The following GAL3ST2 variants were observed in gnomAD, a reference collection of about 807,000 sequenced individuals.
GAL3ST2 encodes galactose-3-O-sulfotransferase 2, also known as beta-galactose-3-O-sulfotransferase 2.
GAL3ST2 carries 16 observed loss-of-function variants against 12.9 expected under a neutral mutation model. That is an observed-to-expected ratio of 1.24 (90% CI 0.84 to 1.88). GAL3ST2 has a LOEUF of 1.88. Ranked by LOEUF, GAL3ST2 falls within the 40% of genes most tolerant of loss-of-function variation. GAL3ST2 has a pLI of 0.00. For synonymous variants in GAL3ST2, 302 were observed against 273.9 expected, an observed-to-expected ratio of 1.10 and a Z score of -1.01; for missense variants, 639 against 571.8, an observed-to-expected ratio of 1.12 and a Z score of -1.20.
chr2:241,798,910 G>A (rs1318843447), intron 1 of GAL3ST2, among the ~76,000 whole-genome samples, 155 bp from the exon 2 acceptor site: 1 of 152,136 alleles, frequency 6.6e-6, no homozygotes, highest in Admixed American at 6.5e-5. Context: ...CTAGCCCATG[G>A]GCCGGCACCC....
chr2:241,803,609 A>C lies in GAL3ST2; in HGVS notation c.640A>C (p.Ile214Leu). The C allele has an allele frequency of 6.4e-7, 1 of 1,564,826 alleles. No homozygotes were observed. The highest frequency in any genetic ancestry group is 8.7e-7 in the Non-Finnish European group (1 of 1,154,022). Residue 214 changes from isoleucine (I) to leucine (L), a missense_variant, in exon 4 of 4, where the codon ATC becomes CTC. Transcript: ENST00000192314. ...QCEEGYVRAR[I>L]AEVERRFRLV... The stretch of plus-strand genomic sequence containing the variant: ...CGAGGAGGGCTACGTGCGCGCGCGC[A>C]TCGCCGAGGTGGAGCGGCGCTTCCG...
chr2:241,795,277 A>T lies in GAL3ST2; in HGVS notation c.30-3788A>T, dbSNP rs573976625. 1.3e-5 allele frequency among the ~76,000 whole-genome samples: 2 copies of T among 152,206 alleles called. No homozygotes were observed. The highest frequency in any genetic ancestry group is 4.8e-5 in the African/African-American group (2 of 41,454). ...AGCAGGTCTTTTGGCAAAAGGGAAG[A>T]GCCCGCCTTGAGAAGGCTGTAGCAT... is the stretch of plus-strand genomic sequence containing the variant. On this transcript the variant is annotated intron_variant, in intron 1 of 3. Transcript: ENST00000192314. This position sits in a 1 kb window ranked among gnomAD's most constrained non-coding sequence, Gnocchi z 4.5.
Position 241,776,918 on chromosome 2 carries a change from AG to A in GAL3ST2, c.-37del, listed in dbSNP as rs1699495322. ...GGCGGTGGGACCTCGGGGGAGCTCAAGCCTCGACTGTCCCCTCGCTGGAGGC... is the reference window on the plus strand; with the variant it reads ...GGCGGTGGGACCTCGGGGGAGCTCAACCTCGACTGTCCCCTCGCTGGAGGC... On this transcript the variant is annotated 5_prime_UTR_variant, in exon 1 of 4. Coordinates refer to ENST00000192314, the MANE Select transcript of GAL3ST2 (RefSeq NM_022134.3). The A allele has an allele frequency of 1.3e-6, 2 of 1,499,496 alleles. No homozygotes were observed. Among genetic ancestry groups the A allele is most frequent in the Non-Finnish European group, 1.8e-6 (2 of 1,116,230 alleles). 92.9% of individuals were successfully genotyped at this position (1,499,496 alleles called of 1,614,324 possible). A position where few individuals can be genotyped will look rare whatever the true frequency, so the allele number is the denominator to read the frequency against.
In GAL3ST2 at chr2:241,803,857, C is replaced by T. The variant is rs1699894306; in HGVS notation, c.888C>T (p.Ala296=). ...GCACCCTCTGGGCGCAGCTGCGCGC[C>T]GAGCTGGGGCCGCGGCGGCTGCGCG... ...FNRTLWAQLR[A]ELGPRRLRGE... Residue 296 remains alanine, a synonymous_variant, in exon 4 of 4, where the codon GCC becomes GCT. Coordinates refer to ENST00000192314, the MANE Select transcript of GAL3ST2 (RefSeq NM_022134.3). The T allele has an allele frequency of 1.4e-6, 2 of 1,439,906 alleles. No individual in the cohort carries two copies. The highest frequency in any genetic ancestry group is 1.8e-6 in the Non-Finnish European group (2 of 1,106,782). The allele number at this position is 1,439,906 out of a possible 1,614,324, so 89.2% of individuals were successfully genotyped here.
rs1699824107 is a variant in GAL3ST2, at chr2:241,800,234, T to A, written c.119+1080T>A. Among the ~76,000 whole-genome samples, 1 of 151,982 alleles carries A rather than the reference T, an allele frequency of 6.6e-6. No homozygotes were observed. Among genetic ancestry groups the A allele is most frequent in the Non-Finnish European group, 1.5e-5 (1 of 68,010 alleles). On this transcript the variant is annotated intron_variant, in intron 2 of 3. Coordinates refer to ENST00000192314, the MANE Select transcript of GAL3ST2 (RefSeq NM_022134.3). The surrounding 1 kb of genome is among the most constrained non-coding windows in gnomAD (Gnocchi z 5.2). ...GTTGGGGGTGTCAACTGAAGAATCA[T>A]GACATCTATGAATGTGGAGAGGACA... is the stretch of plus-strand genomic sequence containing the variant.
chr2:241,801,020 C>A lies in GAL3ST2; in HGVS notation c.120-761C>A, dbSNP rs930332648. ...TGCAGGTTTGTTACACAGGTATACA[C>A]GTGCCACGGTAGTTTACTGCACCTA... On this transcript the variant is annotated intron_variant, in intron 2 of 3. Transcript: ENST00000192314. The surrounding 1 kb of genome is among the most constrained non-coding windows in gnomAD (Gnocchi z 4.4). 1 of 152,164 alleles carries A rather than the reference C, an allele frequency of 6.6e-6. No individual in the cohort carries two copies. The highest frequency in any genetic ancestry group is 2.4e-5 in the African/African-American group (1 of 41,416). The allele number at this position is 152,164 out of a possible 1,614,324, so 9.4% of individuals were successfully genotyped here. A position where few individuals can be genotyped will look rare whatever the true frequency, so the allele number is the denominator to read the frequency against.
chr2:241,786,739 G>A (rs1420726064), intron 1 of GAL3ST2, among the ~76,000 whole-genome samples: 1 of 152,158 alleles, frequency 6.6e-6, no homozygotes, highest in Non-Finnish European at 1.5e-5. Flanking sequence ...GAGCCATAAA[G>A]TTAGCTCATG....
Position 241,784,513 on chromosome 2 carries a change from C to G in GAL3ST2, c.29+7529C>G, listed in dbSNP as rs574550690. On this transcript the variant is annotated intron_variant, in intron 1 of 3. Coordinates refer to ENST00000192314, the MANE Select transcript of GAL3ST2 (RefSeq NM_022134.3). ...ATGCTGGCAAATTCTTAAGACATTT[C>G]TAGTATTATTTTACCAATGATTTAA... Among the ~76,000 whole-genome samples the G allele has an allele frequency of 8.5e-5, 13 of 152,282 alleles. No homozygotes were observed. In the South Asian group the frequency reaches 2.3e-3, roughly 27 times the overall value.
intron 1 of GAL3ST2, among the ~76,000 whole-genome samples, chr2:241,798,203 C>T (rs1404093582): frequency 6.6e-6 from 1 of 152,194 alleles, no homozygotes; most frequent in Admixed American, 6.5e-5. Context: ...CTCCTGGGAC[C>T]CAGGCCAGGC....
chr2:241,799,252 C>T, intron 2 of GAL3ST2, 98 bp downstream of exon 2: 1 of 1,055,602 alleles, frequency 9.5e-7, no homozygotes. Flanking sequence ...CCCCACTGGG[C>T]CTGTCTCCCT....
chr2:241,802,165 TG>T lies in GAL3ST2; in HGVS notation c.375+132del. 2.5e-6 allele frequency: 2 copies of T among 793,688 alleles called. No homozygotes were observed. The highest frequency in any genetic ancestry group is 1.9e-6 in the Non-Finnish European group (1 of 531,884). 49.2% of individuals were successfully genotyped at this position (793,688 alleles called of 1,614,324 possible). Reference sequence around the variant, plus strand: ...GGGGCGGGGCGTGCAGAAGGCGGGTTGGGAGGGCCTGGGCCGCACGCCCTGC... The same window carrying T: ...GGGGCGGGGCGTGCAGAAGGCGGGTTGGAGGGCCTGGGCCGCACGCCCTGC... On this transcript the variant is annotated intron_variant, in intron 3 of 3. Coordinates refer to ENST00000192314, the MANE Select transcript of GAL3ST2 (RefSeq NM_022134.3). This position sits in a 1 kb window ranked among gnomAD's most constrained non-coding sequence, Gnocchi z 4.8.
intron 1 of GAL3ST2, among the ~76,000 whole-genome samples, chr2:241,779,214 ATTTTTTTTTTTTTTTTTTTTTTTT>A (rs56979777): frequency 1.6e-4 from 9 of 54,550 alleles, no homozygotes; most frequent in Middle Eastern, 0.014. Context: ...AGGAAAGCTC[ATTTTTTTTTTTTTTTTTTTTTTTT>A]TTTTTTTTTT....
intron 1 of GAL3ST2, among the ~76,000 whole-genome samples, chr2:241,786,004 T>C (rs1699622472): frequency 6.6e-6 from 1 of 152,328 alleles, no homozygotes; most frequent in African/African-American, 2.4e-5. Flanking sequence ...ATACAGACAT[T>C]GCTCTTTCAA....
At chr2:241,780,465 G>C (rs1346689632) in intron 1 of GAL3ST2, among the ~76,000 whole-genome samples, 1 of 152,218 alleles carries the variant, frequency 6.6e-6, no homozygotes. Flanking sequence ...GATGCAGTGA[G>C]CTGAGATTGC....
intron 1 of GAL3ST2, among the ~76,000 whole-genome samples, chr2:241,797,835 GT>G (rs1182856835): frequency 6.6e-6 from 1 of 152,218 alleles, no homozygotes; most frequent in Non-Finnish European, 1.5e-5. Context: ...CCACTGGCTT[GT>G]TGTGCTCCTA....
In GAL3ST2 at chr2:241,776,878, G is replaced by T; in HGVS notation, c.-78G>T. 7.7e-7 allele frequency: 1 copy of T among 1,294,424 alleles called. No individual in the cohort carries two copies. Among genetic ancestry groups the T allele is most frequent in the Non-Finnish European group, 1.0e-6 (1 of 988,084 alleles). The allele number at this position is 1,294,424 out of a possible 1,614,324, so 80.2% of individuals were successfully genotyped here. A position where few individuals can be genotyped will look rare whatever the true frequency, so the allele number is the denominator to read the frequency against. ...GTGCCTGCACCCTGGGGAGCCCAGA[G>T]CCGGCAGGGGCCGAGGCGGTGGGAC... On this transcript the variant is annotated 5_prime_UTR_variant, in exon 1 of 4. Coordinates refer to ENST00000192314, the MANE Select transcript of GAL3ST2 (RefSeq NM_022134.3).
chr2:241,790,701 G>A (rs1308628480), intron 1 of GAL3ST2, among the ~76,000 whole-genome samples: 9 of 152,106 alleles, frequency 5.9e-5, no homozygotes, highest in South Asian at 2.1e-4. Context: ...GCCCTACAAC[G>A]TCTCTTGTGG....
chr2:241,781,421 A>G (rs1699564659), intron 1 of GAL3ST2, among the ~76,000 whole-genome samples: 1 of 152,084 alleles, frequency 6.6e-6, no homozygotes, highest in African/African-American at 2.4e-5. Flanking sequence ...ATTTAAGAAC[A>G]CCTGTTAGAG....
intron 1 of GAL3ST2, among the ~76,000 whole-genome samples, chr2:241,786,481 T>C (rs1230216758): frequency 6.6e-6 from 1 of 152,120 alleles, no homozygotes; most frequent in Non-Finnish European, 1.5e-5. Context: ...TCTACCATCT[T>C]AGAAGCAGGA....
Sources: allele counts gnomAD v4.1 joint callset (sites outside exome capture counted in the v4.1 genomes callset), GRCh38; gene constraint gnomAD v4.1.1; non-coding constraint Gnocchi (gnomAD v3.1); transcripts MANE v1.5; gene names NCBI Gene and HGNC (gene_info 2026-07-23, HGNC 2026-07-21).